The following GFRA2 variants were observed in gnomAD, a reference collection of about 807,000 sequenced individuals.
The protein encoded by GFRA2 is GDNF family receptor alpha-2.
GFRA2 carries 17 observed loss-of-function variants against 48.3 expected under a neutral mutation model. The ratio of observed to expected loss-of-function variants is 0.35; its 90% CI spans 0.24 to 0.53. The LOEUF (loss-of-function observed/expected upper bound fraction) is 0.53. Among genes scored for constraint, GFRA2 ranks in the 20% least tolerant of loss-of-function variants. The pLI, the probability that GFRA2 is intolerant of heterozygous loss-of-function variation, is 0.93. For missense variants in GFRA2, 660 were observed against 637.3 expected (o/e 1.04, Z -0.38); for synonymous variants, 305 against 257.2 (o/e 1.19, Z -1.78).
intron 4 of GFRA2, among the ~76,000 whole-genome samples, chr8:21,718,168 A>C (rs1001966081): frequency 7.2e-5 from 11 of 152,190 alleles, no homozygotes; most frequent in African/African-American, 2.7e-4. Flanking sequence ...CAGGTAACTG[A>C]ATCATGGAGG....
intron 4 of GFRA2, among the ~76,000 whole-genome samples, chr8:21,743,159 C>A (rs1389298388): frequency 6.6e-6 from 1 of 152,134 alleles, no homozygotes; most frequent in African/African-American, 2.4e-5. Flanking sequence ...CCAGCAACAG[C>A]AGCCACATGG....
intron 4 of GFRA2, among the ~76,000 whole-genome samples, chr8:21,732,611 T>C (rs1804251765): frequency 1.3e-5 from 2 of 152,168 alleles, no homozygotes; most frequent in Non-Finnish European, 2.9e-5. Flanking sequence ...AGAGCACAGA[T>C]CAGCCTGGTC....
intron 3 of GFRA2, chr8:21,769,052 G>A (rs1806315016): frequency 3.2e-6 from 1 of 315,614 alleles, no homozygotes. Context: ...TGAACTCTTG[G>A]GGCAGCACTT....
chr8:21,781,344 C>T (rs1011871324), intron 2 of GFRA2, among the ~76,000 whole-genome samples: 5 of 152,128 alleles, frequency 3.3e-5, no homozygotes, highest in Non-Finnish European at 7.3e-5. Context: ...CCACCCACGA[C>T]ACACCACCTG....
chr8:21,775,989 C>CTGTG (rs200687629), intron 2 of GFRA2, among the ~76,000 whole-genome samples: 1,694 of 126,420 alleles, frequency 0.013, 21 homozygotes, highest in Admixed American at 0.017. Flanking sequence ...CACTCATCCT[C>CTGTG]TGTGTGTGTG....
chr8:21,808,315 A>G (rs945222288), intron 1 of GFRA2, among the ~76,000 whole-genome samples: 1 of 152,180 alleles, frequency 6.6e-6, no homozygotes, highest in Non-Finnish European at 1.5e-5. Context: ...ATCACTTTAG[A>G]GCAGCACTGA....
intron 4 of GFRA2, among the ~76,000 whole-genome samples, chr8:21,740,667 C>T (rs1804706593): frequency 6.6e-6 from 1 of 152,232 alleles, no homozygotes; most frequent in African/African-American, 2.4e-5. Context: ...CTACCCATTC[C>T]TCTAGCTTTA....
At chr8:21,728,920 T>C (rs962951697) in intron 4 of GFRA2, among the ~76,000 whole-genome samples, 3 of 151,944 alleles carry the variant, frequency 2.0e-5, no homozygotes, top group Admixed American at 6.6e-5. Flanking sequence ...ATGGAGGGGG[T>C]AGTTCTCCTC....
intron 8 of GFRA2, among the ~76,000 whole-genome samples, chr8:21,693,724 A>C (rs976388020): frequency 2.4e-4 from 2 of 8,332 alleles, no homozygotes; most frequent in Admixed American, 3.0e-3. Context: ...GTGAGGAGGC[A>C]GATGGTATAA....
At chr8:21,737,637 G>A (rs1025214157) in intron 4 of GFRA2, among the ~76,000 whole-genome samples, 5 of 152,032 alleles carry the variant, frequency 3.3e-5, no homozygotes, top group East Asian at 3.9e-4. Context: ...CAGTCCCGCC[G>A]TCCAGGAGGC....
At chr8:21,697,044 A>AGAGGAGGG (rs1802222922) in intron 7 of GFRA2, among the ~76,000 whole-genome samples, 3 of 8,212 alleles carry the variant, frequency 3.7e-4, no homozygotes, top group African/African-American at 5.1e-4. Context: ...AGAGGGGAGG[A>AGAGGAGGG]GACAGAGGAG....
rs375828964 is a variant in GFRA2, at chr8:21,705,001, G to A, written c.1029C>T (p.Thr343=). Residue 343 remains threonine, a synonymous_variant, in exon 6 of 9, where the codon ACC becomes ACT. Coordinates refer to ENST00000524240, the MANE Select transcript of GFRA2 (RefSeq NM_001495.5). ...AGAACTTACGGAGGCATGGGTTCTC[G>A]GTGAAGTCCCTGAGGAACTTCTCAC... ...EECEKFLRDF[T]ENPCLRNAIQ... The A allele has an allele frequency of 2.7e-5, 44 of 1,609,970 alleles. No homozygotes were observed. In the African/African-American group the frequency reaches 3.2e-4, roughly 12 times the overall value.
chr8:21,775,006 G>A lies in GFRA2; in HGVS notation c.405C>T (p.Leu135=). The change falls in exon 3 of 9, where the codon CTC becomes CTT. Residue 135 remains leucine, a synonymous_variant. Coordinates refer to ENST00000524240, the MANE Select transcript of GFRA2 (RefSeq NM_001495.5). ...ASPYEPVTSR[L]SDIFRLASIF... is the part of the protein sequence containing the mutation. The stretch of plus-strand genomic sequence containing the variant: ...TTGAAGCAAGCCTGAAGATGTCCGA[G>A]AGGCGGGAGGTCACCGGCTCATAGG... The A allele has an allele frequency of 6.2e-7, 1 of 1,606,604 alleles. No homozygotes were observed.
At chr8:21,713,064 A>ACG (rs1803151138) in intron 4 of GFRA2, among the ~76,000 whole-genome samples, 3 of 129,734 alleles carry the variant, frequency 2.3e-5, no homozygotes, top group African/African-American at 1.1e-4. Context: ...AGACGAGGGA[A>ACG]AGGGAGAGGG....
At chr8:21,774,828 G>A in intron 3 of GFRA2, 144 bp downstream of exon 3, 1 of 607,742 alleles carries the variant, frequency 1.6e-6, no homozygotes, top group Non-Finnish European at 3.0e-6. Context: ...AGGAGGAACT[G>A]AGGCTCAGAA....
intron 3 of GFRA2, among the ~76,000 whole-genome samples, chr8:21,768,940 C>T (rs1472149867): frequency 6.6e-6 from 1 of 152,170 alleles, no homozygotes; most frequent in Non-Finnish European, 1.5e-5. Flanking sequence ...TTAGCCAGGC[C>T]TCCCAGCCAT....
At chr8:21,765,310 T>G (rs2117663706) in intron 3 of GFRA2, among the ~76,000 whole-genome samples, 1 of 152,042 alleles carries the variant, frequency 6.6e-6, no homozygotes, top group East Asian at 1.9e-4. Flanking sequence ...GGGGTTTTGC[T>G]ATGTTGCTCA....
chr8:21,695,166 G>A (rs1248146448), intron 7 of GFRA2, among the ~76,000 whole-genome samples: 6 of 152,316 alleles, frequency 3.9e-5, no homozygotes, highest in Non-Finnish European at 7.3e-5. Context: ...GGTGAGGGAC[G>A]AGAAGGGCTG....
At chr8:21,795,757 A>G (rs1807662716) in intron 2 of GFRA2, among the ~76,000 whole-genome samples, 1 of 152,200 alleles carries the variant, frequency 6.6e-6, no homozygotes, top group Admixed American at 6.5e-5. Context: ...ATAGCCAGCA[A>G]GTGGCAGAGC....
Sources: gnomAD v4.1 joint callset for allele counts (sites outside exome capture counted in the v4.1 genomes callset) on GRCh38, gnomAD v4.1.1 for gene constraint, MANE v1.5 for transcripts, NCBI Gene and HGNC (gene_info 2026-07-23, HGNC 2026-07-21) for gene names.